LYG1: variants seen among roughly 807,000 people sequenced by gnomAD.
The protein encoded by LYG1 is lysozyme g-like protein 1.
In LYG1, 17 loss-of-function variants were observed where a neutral mutation model predicts 21.7. That is an observed-to-expected ratio of 0.78 (90% confidence interval 0.54 to 1.18). The LOEUF is 1.18. Among genes scored for constraint, LYG1 ranks in the 50% most tolerant of loss-of-function variants. The probability of loss-of-function intolerance (pLI) is 0.00; values close to 1 mark genes in which losing one functional copy is unlikely to be tolerated. For synonymous variants in LYG1, 81 were observed against 87.4 expected, an observed-to-expected ratio of 0.93 and a Z score of 0.41; for missense variants, 211 against 238.1, an observed-to-expected ratio of 0.89 and a Z score of 0.75.
At chr2:99,293,718 G>A (rs911841811) in intron 3 of LYG1, among the ~76,000 whole-genome samples, 5 of 152,216 alleles carry the variant, frequency 3.3e-5, no homozygotes, top group South Asian at 4.1e-4. Context: ...ACACCAGGAG[G>A]AGAGTGCATG....
chr2:99,295,358 A>G (rs2094133412), intron 3 of LYG1, among the ~76,000 whole-genome samples: 1 of 152,214 alleles, frequency 6.6e-6, no homozygotes, highest in Admixed American at 6.5e-5. Context: ...TATAGTGGAC[A>G]ATGAGCAGCT....
At chr2:99,290,880 T>A (rs2094116008) in intron 5 of LYG1, among the ~76,000 whole-genome samples, 1 of 152,186 alleles carries the variant, frequency 6.6e-6, no homozygotes, top group African/African-American at 2.4e-5. Context: ...ATTTTATAGG[T>A]AGAGAAACTA....
intron 5 of LYG1, among the ~76,000 whole-genome samples, chr2:99,289,316 C>G (rs2094111748): frequency 6.6e-6 from 1 of 151,946 alleles, no homozygotes; most frequent in Non-Finnish European, 1.5e-5. Context: ...AAACATTAGC[C>G]AGGCATGGTG....
At chr2:99,291,216 T>G (rs1398937646) in intron 5 of LYG1, 21 bp downstream of exon 5, 1 of 1,609,644 alleles carries the variant, frequency 6.2e-7, no homozygotes, top group South Asian at 1.1e-5. Flanking sequence ...TGGCCACATG[T>G]GTCAACGGAT....
At chr2:99,295,977 C>T (rs1447528733) in intron 2 of LYG1, among the ~76,000 whole-genome samples, 2 of 152,024 alleles carry the variant, frequency 1.3e-5, no homozygotes, top group Non-Finnish European at 2.9e-5. Context: ...TTCAAGAAGG[C>T]AAGACACTTT....
chr2:99,299,694 G>C (rs2105303482), intron 1 of LYG1, among the ~76,000 whole-genome samples: 1 of 151,360 alleles, frequency 6.6e-6, no homozygotes, highest in Non-Finnish European at 1.5e-5. Flanking sequence ...CAAAGTGCTG[G>C]GAACCACCAA....
chr2:99,293,151 C>T (rs2105296481), intron 3 of LYG1, among the ~76,000 whole-genome samples: 1 of 152,066 alleles, frequency 6.6e-6, no homozygotes, highest in African/African-American at 2.4e-5. Context: ...GCCACCACGC[C>T]CAGCTAATTT....
chr2:99,289,840 TTTGTTGTTGTTG>T (rs55751852), intron 5 of LYG1, among the ~76,000 whole-genome samples: 2 of 150,638 alleles, frequency 1.3e-5, no homozygotes, highest in East Asian at 2.0e-4. Context: ...AATTCTCTTG[TTTGTTGTTGTTG>T]TTGTTGTTGT....
chr2:99,299,284 CTT>C (rs759326268), intron 1 of LYG1, among the ~76,000 whole-genome samples: 21 of 124,566 alleles, frequency 1.7e-4, no homozygotes, highest in Non-Finnish European at 2.2e-4. Flanking sequence ...TTCTTTTTTT[CTT>C]TTTTTTTTTT....
intron 1 of LYG1, among the ~76,000 whole-genome samples, chr2:99,300,514 T>C (rs898092741): frequency 2.6e-5 from 4 of 152,216 alleles, no homozygotes; most frequent in Non-Finnish European, 5.9e-5. Flanking sequence ...GTCTTTTTAG[T>C]CTGTTAGCCG....
At chr2:99,295,420 A>C (rs559999998) in intron 3 of LYG1, among the ~76,000 whole-genome samples, 1 of 152,224 alleles carries the variant, frequency 6.6e-6, no homozygotes, top group Non-Finnish European at 1.5e-5. Flanking sequence ...TTTTAAGCCC[A>C]CCTTGCATTC....
intron 5 of LYG1, among the ~76,000 whole-genome samples, chr2:99,289,961 C>G (rs930525680): frequency 2.6e-5 from 4 of 152,162 alleles, no homozygotes; most frequent in Admixed American, 2.6e-4. Context: ...CAGGTTCAAG[C>G]AATCCTCTCA....
In LYG1 at chr2:99,292,548, G is replaced by A. The variant is rs749100180; in HGVS notation, c.136C>T (p.Leu46=). The A allele has an allele frequency of 3.1e-6, 5 of 1,613,512 alleles. No homozygotes were observed. Among genetic ancestry groups the A allele is most frequent in the Non-Finnish European group, 8.5e-7 (1 of 1,179,554 alleles). Residue 46 remains leucine (L), a synonymous_variant, in exon 4 of 7, where the codon CTG becomes TTG. Coordinates refer to ENST00000308528, the MANE Select transcript of LYG1 (RefSeq NM_174898.3). ...ASCGIGRRHG[L]NYCGVRASER... ...AGCTCATAGCTACCACAGTAGTTCA[G>A]GCCGTGACGTCTTCCAATCCCACAA... is the stretch of plus-strand genomic sequence containing the variant.
At chr2:99,299,660 A>C (rs2094148366) in intron 1 of LYG1, among the ~76,000 whole-genome samples, 1 of 151,996 alleles carries the variant, frequency 6.6e-6, no homozygotes, top group Non-Finnish European at 1.5e-5. Context: ...CCAGGGCTCA[A>C]GCAATCTGCC....
At chr2:99,303,694 G>A (rs2105307446), upstream of LYG1, among the ~76,000 whole-genome samples, 1 of 152,328 alleles carries the variant, frequency 6.6e-6, no homozygotes, top group South Asian at 2.1e-4. Context: ...ATGATGGTTG[G>A]ACTAGAGTGA....
At chr2:99,299,264 CTTTTTCTTTTTCTT>C (rs2094146758) in intron 1 of LYG1, among the ~76,000 whole-genome samples, 1 of 140,360 alleles carries the variant, frequency 7.1e-6, no homozygotes, top group African/African-American at 2.6e-5. Context: ...TTTGTTTTTT[CTTTTTCTTTTTCTT>C]TTTTTCTTTT....
rs2094090712 is a variant in LYG1 at position 99,284,465 on chromosome 2, G to C, written c.513C>G (p.Ser171Arg). 6.2e-7 allele frequency: 1 copy of C among 1,614,072 alleles called. No individual in the cohort carries two copies. Among genetic ancestry groups the C allele is most frequent in the Admixed American group, 1.7e-5 (1 of 60,000 alleles). ...YSGGAGYVRS[S>R]QDLSCDFCND... ...TGCAGAAGTCACAGCTCAGGTCCTGGCTGCTTCGGACATAGCCAGCACCCC... is the reference window on the plus strand; with the variant it reads ...TGCAGAAGTCACAGCTCAGGTCCTGCCTGCTTCGGACATAGCCAGCACCCC... Residue 171 changes from serine (S) to arginine (R), a missense_variant, in exon 7 of 7, where the codon AGC (serine) becomes AGG (arginine). Ser to Arg is a moderately radical substitution (Grantham distance 110). Coordinates refer to ENST00000308528, the MANE Select transcript of LYG1 (RefSeq NM_174898.3).
In LYG1 at chr2:99,293,771, T is replaced by C. The variant is rs903842146; in HGVS notation, c.44-1131A>G. On this transcript the variant is annotated intron_variant, in intron 3 of 6. Transcript: ENST00000308528. ...TTCACACAAGGTGGGTACACAAGTA[T>C]TTATAATATATCTACAATTCACACC... Among the ~76,000 whole-genome samples the C allele has an allele frequency of 2.6e-5, 4 of 152,260 alleles. No individual in the cohort carries two copies. In the East Asian group the frequency reaches 7.7e-4, roughly 29 times the overall value.
intron 5 of LYG1, among the ~76,000 whole-genome samples, chr2:99,289,455 T>TAA (rs5832870): frequency 1.2e-3 from 174 of 146,558 alleles, no homozygotes; most frequent in Middle Eastern, 7.0e-3. Context: ...GACCCTGTCT[T>TAA]AAAAAAAAAA....
Sources: allele counts gnomAD v4.1 joint callset (sites outside exome capture counted in the v4.1 genomes callset), GRCh38; gene constraint gnomAD v4.1.1; transcripts MANE v1.5; gene names NCBI Gene and HGNC (gene_info 2026-07-23, HGNC 2026-07-21).